Variants in GRID2 observed in about 807,000 individuals in gnomAD.
GRID2 encodes the protein glutamate ionotropic receptor delta type subunit 2.
GRID2 carries 33 observed loss-of-function variants against 114.8 expected under a neutral mutation model. The ratio of observed to expected loss-of-function variants is 0.29; its 90% CI spans 0.22 to 0.38. The LOEUF (loss-of-function observed/expected upper bound fraction) is 0.38, where lower values mean the gene tolerates loss of function less well. GRID2 is among the 10% of genes least tolerant of loss of function. The pLI is 1.00. For missense variants in GRID2, 1,184 were observed against 1,257.7 expected, an observed-to-expected ratio of 0.94 and a Z score of 0.89; for synonymous variants, 505 against 449.9, an observed-to-expected ratio of 1.12 and a Z score of -1.55.
intron 1 of GRID2, among the ~76,000 whole-genome samples, chr4:92,313,113 GTGTGTGTGTA>G (rs1725791731): frequency 1.3e-5 from 2 of 149,898 alleles, no homozygotes; most frequent in African/African-American, 5.0e-5. Flanking sequence ...GTGTGTGTGT[GTGTGTGTGTA>G]TATGAGATGG....
chr4:93,277,385 C>T (rs1244898903), intron 8 of GRID2, among the ~76,000 whole-genome samples: 1 of 151,742 alleles, frequency 6.6e-6, no homozygotes, highest in Non-Finnish European at 1.5e-5. Context: ...ATGTTTTAAG[C>T]ACCTTTCTAA....
chr4:93,552,329 G>A (rs1212439083), intron 13 of GRID2, among the ~76,000 whole-genome samples: 1 of 152,052 alleles, frequency 6.6e-6, no homozygotes, highest in Admixed American at 6.6e-5. Flanking sequence ...GAATCGTGCT[G>A]CAATAAACAT....
At chr4:92,942,710 G>T (rs1751257639) in intron 2 of GRID2, among the ~76,000 whole-genome samples, 1 of 152,140 alleles carries the variant, frequency 6.6e-6, no homozygotes, top group Non-Finnish European at 1.5e-5. Context: ...GCTGGTACCG[G>T]TTGTTCCTTT....
At chr4:92,431,008 ACTC>A (rs1732413924) in intron 1 of GRID2, among the ~76,000 whole-genome samples, 1 of 151,846 alleles carries the variant, frequency 6.6e-6, no homozygotes. Flanking sequence ...TTTCTTGTGG[ACTC>A]ATTAGGTTTT....
At chr4:93,351,220 G>A (rs900262628) in intron 8 of GRID2, among the ~76,000 whole-genome samples, 3 of 151,940 alleles carry the variant, frequency 2.0e-5, no homozygotes, top group Non-Finnish European at 2.9e-5. Flanking sequence ...ATGTTAATAC[G>A]TACAAGTACT....
chr4:92,493,761 A>G (rs1723259385), intron 1 of GRID2, among the ~76,000 whole-genome samples: 1 of 152,190 alleles, frequency 6.6e-6, no homozygotes, highest in Non-Finnish European at 1.5e-5. Flanking sequence ...ATTTGTTTAA[A>G]TTATTGCTAT....
chr4:93,192,252 C>T (rs912364201), intron 4 of GRID2, among the ~76,000 whole-genome samples: 1 of 152,112 alleles, frequency 6.6e-6, no homozygotes, highest in African/African-American at 2.4e-5. Flanking sequence ...ACCGAAAGAA[C>T]TTGAAAAATG....
At chr4:93,735,265 C>T (rs1199321596) in intron 14 of GRID2, among the ~76,000 whole-genome samples, 1 of 152,032 alleles carries the variant, frequency 6.6e-6, no homozygotes, top group Non-Finnish European at 1.5e-5. Flanking sequence ...AAAGGAGCCA[C>T]TGTGTTCATC....
At chr4:92,951,346 T>C (rs1752022957) in intron 2 of GRID2, among the ~76,000 whole-genome samples, 1 of 141,090 alleles carries the variant, frequency 7.1e-6, no homozygotes, top group East Asian at 2.0e-4. Context: ...TATTTATTTA[T>C]TTATTTATTT....
intron 8 of GRID2, among the ~76,000 whole-genome samples, chr4:93,289,014 C>T (rs1753467399): frequency 6.6e-6 from 1 of 152,252 alleles, no homozygotes; most frequent in South Asian, 2.1e-4. Flanking sequence ...AAACAACATG[C>T]CTTATTTTGC....
intron 14 of GRID2, among the ~76,000 whole-genome samples, chr4:93,661,462 C>CT (rs1386709176): frequency 1.3e-5 from 2 of 152,160 alleles, no homozygotes; most frequent in African/African-American, 4.8e-5. Context: ...TGCAAGAAGG[C>CT]TGTGGTGTGT....
intron 2 of GRID2, among the ~76,000 whole-genome samples, chr4:92,784,438 T>C (rs1301436998): frequency 6.6e-6 from 1 of 151,858 alleles, no homozygotes; most frequent in Non-Finnish European, 1.5e-5. Context: ...AAAGTTATAA[T>C]TTAATATATT....
chr4:93,627,344 C>T (rs1742819864), intron 14 of GRID2, among the ~76,000 whole-genome samples: 2 of 151,948 alleles, frequency 1.3e-5, no homozygotes, highest in Admixed American at 1.3e-4. Flanking sequence ...TTTAGGATAA[C>T]AAAAAATCCA....
At chr4:92,824,195 A>C (rs1741506569) in intron 2 of GRID2, among the ~76,000 whole-genome samples, 1 of 152,176 alleles carries the variant, frequency 6.6e-6, no homozygotes, top group Admixed American at 6.6e-5. Flanking sequence ...GCTTAGGCTG[A>C]GGTTCTCTTC....
intron 1 of GRID2, among the ~76,000 whole-genome samples, chr4:92,399,663 C>G (rs10028153): frequency 7.6e-6 from 1 of 131,720 alleles, no homozygotes; most frequent in Non-Finnish European, 1.6e-5. Flanking sequence ...CTCTCTCTCT[C>G]TCTATATATA....
chr4:93,283,392 A>C (rs1251831153), intron 8 of GRID2, among the ~76,000 whole-genome samples: 1 of 152,046 alleles, frequency 6.6e-6, no homozygotes. Flanking sequence ...CTAGCTCCCA[A>C]ATTCTTTCCG....
chr4:92,568,587 T>C (rs1727454694), intron 1 of GRID2, among the ~76,000 whole-genome samples: 1 of 152,050 alleles, frequency 6.6e-6, no homozygotes, highest in Admixed American at 6.6e-5. Context: ...CAGTTTTATT[T>C]CAAGTTCAGG....
chr4:93,109,227 G>T (rs1227510703), intron 3 of GRID2, among the ~76,000 whole-genome samples: 1 of 152,080 alleles, frequency 6.6e-6, no homozygotes, highest in African/African-American at 2.4e-5. Flanking sequence ...CCTAGCTGAG[G>T]ATTTTATTCT....
intron 3 of GRID2, among the ~76,000 whole-genome samples, chr4:93,109,629 A>C (rs533629931): frequency 6.6e-6 from 1 of 152,096 alleles, no homozygotes; most frequent in Non-Finnish European, 1.5e-5. Context: ...GATCTAGTCT[A>C]TTCATAAGTT....
Sources: gnomAD v4.1 joint callset for allele counts (sites outside exome capture counted in the v4.1 genomes callset) on GRCh38, gnomAD v4.1.1 for gene constraint, MANE v1.5 for transcripts, NCBI Gene and HGNC (gene_info 2026-07-23, HGNC 2026-07-21) for gene names.